Variants in NAA11 observed in about 807,000 individuals in gnomAD.
The protein encoded by NAA11 is N-alpha-acetyltransferase 11, NatA catalytic subunit, also known as N-alpha-acetyltransferase 11.
A neutral mutation model predicts 16.1 loss-of-function variants in NAA11; 15 were observed. The observed-to-expected ratio is 0.93, with a 90% CI of 0.62 to 1.44. The LOEUF (loss-of-function observed/expected upper bound fraction) is 1.44. Among genes scored for constraint, NAA11 ranks in the 40% most tolerant of loss-of-function variants. NAA11 has a pLI of 0.00. For synonymous variants in NAA11, 122 were observed against 112.4 expected, an observed-to-expected ratio of 1.09 and a Z score of -0.54; for missense variants, 298 against 291.3, an observed-to-expected ratio of 1.02 and a Z score of -0.17.
At chr4:79,176,835 G>C in the NAA11 span, among the ~76,000 whole-genome samples, 4 of 152,126 alleles carry the variant, frequency 2.6e-5, no homozygotes, top group African/African-American at 9.7e-5. Context: ...TATTTTCCAT[G>C]CACGTCCCAA....
chr4:79,221,147 G>T (rs1721180598), downstream of NAA11, among the ~76,000 whole-genome samples: 1 of 151,930 alleles, frequency 6.6e-6, no homozygotes, highest in South Asian at 2.1e-4. Flanking sequence ...TTGTGAATGG[G>T]AGTTCACTCA....
At chr4:79,197,952 C>A in the NAA11 span, among the ~76,000 whole-genome samples, 1 of 147,978 alleles carries the variant, frequency 6.8e-6, no homozygotes, top group East Asian at 2.0e-4. Flanking sequence ...AAAGGTTATG[C>A]GAGGTAAGTA....
chr4:79,200,714 G>C, the NAA11 span, among the ~76,000 whole-genome samples: 1 of 151,740 alleles, frequency 6.6e-6, no homozygotes, highest in African/African-American at 2.4e-5. Context: ...ATTATAAATT[G>C]AGTTTTCCTG....
At chr4:79,306,401 AC>A (rs1723580379) in intron 1 of NAA11, among the ~76,000 whole-genome samples, 3 of 152,136 alleles carry the variant, frequency 2.0e-5, no homozygotes, top group Non-Finnish European at 4.4e-5. Context: ...CTGTATCTTC[AC>A]ACAGTCTTTC....
At chr4:79,284,375 T>C (rs555391907) in intron 2 of NAA11, among the ~76,000 whole-genome samples, 7 of 152,206 alleles carry the variant, frequency 4.6e-5, no homozygotes, top group Non-Finnish European at 1.0e-4. Context: ...ATTTACTTCT[T>C]AAATCGAATC....
intron 1 of NAA11, among the ~76,000 whole-genome samples, chr4:79,306,442 C>A (rs1723581610): frequency 1.3e-5 from 2 of 152,236 alleles, no homozygotes; most frequent in Non-Finnish European, 1.5e-5. Flanking sequence ...GTCTAATCTC[C>A]TCTTATTATA....
At chr4:79,312,646 C>CAAAAAA (rs544315352), downstream of NAA11, among the ~76,000 whole-genome samples, 1 of 69,420 alleles carries the variant, frequency 1.4e-5, no homozygotes. Context: ...GACTCCATCT[C>CAAAAAA]AAAAAAAAAA....
At chr4:79,236,845 A>G (rs1178314508) in intron 2 of NAA11, among the ~76,000 whole-genome samples, 4 of 152,144 alleles carry the variant, frequency 2.6e-5, no homozygotes, top group African/African-American at 9.7e-5. Flanking sequence ...AAGTGACAAC[A>G]TTGTATTGGT....
intron 2 of NAA11, among the ~76,000 whole-genome samples, chr4:79,286,234 A>G (rs1233377284): frequency 6.6e-6 from 1 of 152,088 alleles, no homozygotes; most frequent in African/African-American, 2.4e-5. Context: ...TCATCCTAAT[A>G]TACACACTTG....
chr4:79,302,760 T>C (rs1338222125), intron 1 of NAA11, among the ~76,000 whole-genome samples: 2 of 151,978 alleles, frequency 1.3e-5, no homozygotes, highest in African/African-American at 2.4e-5. Context: ...CTTTTTCCCT[T>C]CTTACAAAAT....
intron 2 of NAA11, among the ~76,000 whole-genome samples, chr4:79,266,292 C>A (rs1722343870): frequency 6.6e-6 from 1 of 152,208 alleles, no homozygotes; most frequent in Non-Finnish European, 1.5e-5. Flanking sequence ...CAGTAGCTCT[C>A]TTCCTAATGG....
chr4:79,250,980 T>C (rs1384428806), intron 2 of NAA11, among the ~76,000 whole-genome samples: 1 of 152,126 alleles, frequency 6.6e-6, no homozygotes. Flanking sequence ...CAGATGCAAG[T>C]GAGTTTGCAG....
At chr4:79,271,670 T>C (rs1484141) in intron 2 of NAA11, among the ~76,000 whole-genome samples, 93,326 of 151,838 alleles carry the variant, frequency 0.61, 30,013 homozygotes, top group African/African-American at 0.8. Context: ...AATTTTGCTA[T>C]AAAATTAGAC....
chr4:79,252,189 G>A (rs375609382), intron 2 of NAA11, among the ~76,000 whole-genome samples: 2 of 152,134 alleles, frequency 1.3e-5, no homozygotes, highest in Admixed American at 6.5e-5. Flanking sequence ...TCTAAAAGAC[G>A]GGATGGGGAG....
At chr4:79,202,649 A>ATATATATATATATATATATATATATATT in the NAA11 span, among the ~76,000 whole-genome samples, 1 of 124,688 alleles carries the variant, frequency 8.0e-6, no homozygotes, top group African/African-American at 2.8e-5. Context: ...ATATATATAT[A>ATATATATATATATATATATATATATATT]TCTGTGTAAT....
the NAA11 span, among the ~76,000 whole-genome samples, chr4:79,207,427 G>A: frequency 6.9e-6 from 1 of 145,134 alleles, no homozygotes; most frequent in African/African-American, 2.5e-5. Context: ...TGCTTTGGAA[G>A]AAGAGGAAGA....
the NAA11 span, among the ~76,000 whole-genome samples, chr4:79,210,884 G>T: frequency 6.6e-6 from 1 of 152,176 alleles, no homozygotes; most frequent in Non-Finnish European, 1.5e-5. Context: ...GTAAAATGGC[G>T]AGAGTGATGG....
chr4:79,269,830 T>C (rs1722448040), intron 2 of NAA11, among the ~76,000 whole-genome samples: 1 of 147,138 alleles, frequency 6.8e-6, no homozygotes, highest in Non-Finnish European at 1.5e-5. Context: ...GTTTTTATGG[T>C]TTTAGGTCTA....
intron 2 of NAA11, among the ~76,000 whole-genome samples, chr4:79,264,706 T>C (rs1380274995): frequency 1.3e-5 from 2 of 152,150 alleles, no homozygotes; most frequent in Non-Finnish European, 2.9e-5. Flanking sequence ...TCTTTTTTTG[T>C]TTTCCTTGCC....
Sources: gnomAD v4.1 joint callset for allele counts (sites outside exome capture counted in the v4.1 genomes callset) on GRCh38, gnomAD v4.1.1 for gene constraint, MANE v1.5 for transcripts, NCBI Gene and HGNC (gene_info 2026-07-23, HGNC 2026-07-21) for gene names.